B4GALNT2: variants seen among roughly 807,000 people sequenced by gnomAD.
B4GALNT2 encodes the protein N-acetylneuraminylgalactosylglucosyl-glucoside beta-1,4-N- acetylgalactosaminyltransferase 2.
Under a neutral mutation model 51.1 loss-of-function variants are expected in B4GALNT2, and 42 were observed. That is an observed-to-expected ratio of 0.82 (90% CI 0.64 to 1.06). B4GALNT2 has a LOEUF of 1.06. B4GALNT2 is among the 50% of genes least tolerant of loss of function. The pLI is 0.00. For synonymous variants in B4GALNT2, 253 were observed against 251.7 expected, an observed-to-expected ratio of 1.01 and a Z score of -0.05; for missense variants, 602 against 633.6, an observed-to-expected ratio of 0.95 and a Z score of 0.54.
At chr17:49,163,756 C>CAAAAAAA (rs10589274) in intron 7 of B4GALNT2, among the ~76,000 whole-genome samples, 2 of 91,128 alleles carry the variant, frequency 2.2e-5, no homozygotes, top group Non-Finnish European at 4.2e-5. Flanking sequence ...AACTCCGTAT[C>CAAAAAAA]AAAAAAAAAA....
intron 3 of B4GALNT2, among the ~76,000 whole-genome samples, chr17:49,150,246 TG>T (rs1230227624): frequency 2.2e-4 from 21 of 96,114 alleles, no homozygotes; most frequent in Non-Finnish European, 3.6e-4. Flanking sequence ...GGGAGGGAGG[TG>T]GGGGGGTCAG....
At chr17:49,154,695 C>T (rs2144314822) in intron 4 of B4GALNT2, among the ~76,000 whole-genome samples, 1 of 152,126 alleles carries the variant, frequency 6.6e-6, no homozygotes, top group African/African-American at 2.4e-5. Flanking sequence ...TCACAAACCA[C>T]ATCTCAAACA....
the B4GALNT2 span, among the ~76,000 whole-genome samples, chr17:49,126,063 G>A: frequency 6.6e-6 from 1 of 152,160 alleles, no homozygotes; most frequent in African/African-American, 2.4e-5. Flanking sequence ...AGAAAGGGGG[G>A]AAAGGTGGGG....
chr17:49,120,957 G>A, the B4GALNT2 span, among the ~76,000 whole-genome samples: 4 of 152,204 alleles, frequency 2.6e-5, no homozygotes, highest in African/African-American at 9.6e-5. Context: ...CCTCATCCTT[G>A]AGCAAGTGAC....
At chr17:49,159,328 GTGTT>G (rs890210211) in intron 6 of B4GALNT2, 111 bp downstream of exon 6, 20 of 1,098,596 alleles carry the variant, frequency 1.8e-5, no homozygotes, top group South Asian at 1.1e-4. Context: ...TGTTTTGTGT[GTGTT>G]TGTTTGTTTT....
intron 9 of B4GALNT2, among the ~76,000 whole-genome samples, chr17:49,167,195 G>T (rs901636888): frequency 6.6e-6 from 1 of 152,204 alleles, no homozygotes; most frequent in African/African-American, 2.4e-5. Context: ...CACACTGGCA[G>T]CTGAGTTGGC....
chr17:49,168,425 C>T (rs1449853903), intron 9 of B4GALNT2, among the ~76,000 whole-genome samples: 2 of 152,124 alleles, frequency 1.3e-5, no homozygotes, highest in East Asian at 1.9e-4. Flanking sequence ...CTTCTTTGGT[C>T]TTGGGTAAGG....
At position 49,174,689 on chromosome 17, in the gene B4GALNT2, C is replaced by A. The variant is rs2042977087; in HGVS notation, c.*4961C>A. 6.6e-6 allele frequency: 1 copy of A among 152,124 alleles called. No homozygotes were observed. Among genetic ancestry groups the A allele is most frequent in the Non-Finnish European group, 1.5e-5 (1 of 68,032 alleles). The allele number at this position is 152,124 out of a possible 1,614,324, so 9.4% of individuals were successfully genotyped here. ...TTGTTCAGTAACTAAGTCCTCTGAGCCTCCAGTTTCTCTTTACTTAGCAGT... is the reference window on the plus strand; with the variant it reads ...TTGTTCAGTAACTAAGTCCTCTGAGACTCCAGTTTCTCTTTACTTAGCAGT... On this transcript the variant is annotated 3_prime_UTR_variant, in exon 11 of 11. Coordinates refer to ENST00000393354, the MANE Select transcript of B4GALNT2 (RefSeq NM_001159387.2).
chr17:49,154,707 G>T (rs1218749874), intron 4 of B4GALNT2, among the ~76,000 whole-genome samples: 2 of 151,962 alleles, frequency 1.3e-5, no homozygotes, highest in East Asian at 3.9e-4. Flanking sequence ...TCTCAAACAG[G>T]TGAGATGAGA....
chr17:49,170,678 C>G lies in B4GALNT2; in HGVS notation c.*950C>G, dbSNP rs776805589. ...CCAGCTTGGTCATGGAGACCCTAACCCAGTGGTGCTAGAGGAATTAAAGAC... is the reference window on the plus strand; with the variant it reads ...CCAGCTTGGTCATGGAGACCCTAACGCAGTGGTGCTAGAGGAATTAAAGAC... On this transcript the variant is annotated 3_prime_UTR_variant, in exon 11 of 11. Coordinates refer to ENST00000393354, the MANE Select transcript of B4GALNT2 (RefSeq NM_001159387.2). 1 of 152,192 alleles carries G rather than the reference C, an allele frequency of 6.6e-6. No individual in the cohort carries two copies. The highest frequency in any genetic ancestry group is 1.5e-5 in the Non-Finnish European group (1 of 68,052). 9.4% of individuals were successfully genotyped at this position (152,192 alleles called of 1,614,324 possible).
At chr17:49,120,975 G>T in the B4GALNT2 span, among the ~76,000 whole-genome samples, 1 of 152,138 alleles carries the variant, frequency 6.6e-6, no homozygotes, top group Non-Finnish European at 1.5e-5. Context: ...GACACCACTT[G>T]CTTTTTCCTT....
intron 8 of B4GALNT2, among the ~76,000 whole-genome samples, chr17:49,164,962 C>T (rs919840064): frequency 6.6e-6 from 1 of 152,016 alleles, no homozygotes. Flanking sequence ...CAGGCATGCA[C>T]CATAATGCCA....
In B4GALNT2 at chr17:49,170,506, T is replaced by C. The variant is rs2042951101; in HGVS notation, c.*778T>C. ...CCAAGGCATGATGGTGAACAGACAG[T>C]GTGAGTGTGGTGACAAGCCACTAAA... is the stretch of plus-strand genomic sequence containing the variant. On this transcript the variant is annotated 3_prime_UTR_variant, in exon 11 of 11. Transcript: ENST00000393354. 1 of 152,232 alleles carries C rather than the reference T, an allele frequency of 6.6e-6. No homozygotes were observed. The highest frequency in any genetic ancestry group is 2.4e-5 in the African/African-American group (1 of 41,448). The allele number at this position is 152,232 out of a possible 1,614,324, so 9.4% of individuals were successfully genotyped here. A position where few individuals can be genotyped will look rare whatever the true frequency, so the allele number is the denominator to read the frequency against.
chr17:49,147,837 T>G, intron 3 of B4GALNT2, among the ~76,000 whole-genome samples: 1 of 146,568 alleles, frequency 6.8e-6, no homozygotes, highest in Non-Finnish European at 1.5e-5. Context: ...TATACATGTA[T>G]GTTATATATA....
chr17:49,134,633 G>A (rs2042574133), intron 1 of B4GALNT2, among the ~76,000 whole-genome samples: 1 of 152,080 alleles, frequency 6.6e-6, no homozygotes, highest in African/African-American at 2.4e-5. Flanking sequence ...TGTGGCCCAG[G>A]CTGGAGTGCA....
intron 3 of B4GALNT2, 126 bp downstream of exon 3, chr17:49,142,298 G>A: frequency 8.5e-7 from 1 of 1,179,446 alleles, no homozygotes; most frequent in Non-Finnish European, 1.2e-6. Flanking sequence ...TCCCTGGGAG[G>A]AACTATTAGG....
chr17:49,120,484 C>CTGTGTGTGTG, the B4GALNT2 span, among the ~76,000 whole-genome samples: 1 of 144,066 alleles, frequency 6.9e-6, no homozygotes, highest in African/African-American at 2.6e-5. Context: ...GTGTGTGTGT[C>CTGTGTGTGTG]TGTGTGTGTG....
At chr17:49,143,411 T>A (rs1488073658) in intron 3 of B4GALNT2, among the ~76,000 whole-genome samples, 1 of 152,202 alleles carries the variant, frequency 6.6e-6, no homozygotes, top group East Asian at 1.9e-4. Context: ...GGTGGTAGGA[T>A]GTCCAGGCTA....
chr17:49,167,080 A>T (rs985749941), intron 9 of B4GALNT2, among the ~76,000 whole-genome samples: 5 of 152,222 alleles, frequency 3.3e-5, no homozygotes, highest in African/African-American at 7.2e-5. Flanking sequence ...CTGCAAGTGG[A>T]CAATCCCCAA....
Sources: allele counts gnomAD v4.1 joint callset (sites outside exome capture counted in the v4.1 genomes callset), GRCh38; gene constraint gnomAD v4.1.1; transcripts MANE v1.5; gene names NCBI Gene and HGNC (gene_info 2026-07-23, HGNC 2026-07-21).